TRPC3: variants seen among roughly 807,000 people sequenced by gnomAD.
The protein encoded by TRPC3 is transient receptor potential cation channel subfamily C member 3, also known as short transient receptor potential channel 3.
Under a neutral mutation model 90.9 loss-of-function variants are expected in TRPC3, and 54 were observed. That is an observed-to-expected ratio of 0.59 (90% CI 0.48 to 0.75). TRPC3 has a LOEUF of 0.75. TRPC3 is among the 30% of genes least tolerant of loss of function. The probability of loss-of-function intolerance (pLI) is 0.00; values close to 1 mark genes in which losing one functional copy is unlikely to be tolerated. For synonymous variants in TRPC3, 424 were observed against 450.9 expected, an observed-to-expected ratio of 0.94 and a Z score of 0.75; for missense variants, 918 against 1,194.5, an observed-to-expected ratio of 0.77 and a Z score of 3.41.
chr4:121,936,410 C>T (rs574813228), intron 1 of TRPC3, among the ~76,000 whole-genome samples: 1 of 152,318 alleles, frequency 6.6e-6, no homozygotes, highest in Non-Finnish European at 1.5e-5. Flanking sequence ...GGTCATTCAA[C>T]ACCGCGAGAG....
At chr4:121,912,191 C>A (rs1206532512) in intron 4 of TRPC3, 98 bp from the exon 5 acceptor site, 3 of 1,024,360 alleles carry the variant, frequency 2.9e-6, no homozygotes, top group Non-Finnish European at 4.2e-6. Flanking sequence ...GAAAGGAGAA[C>A]ACTCAAAATT....
At chr4:121,890,281 G>T (rs1315103964) in intron 10 of TRPC3, among the ~76,000 whole-genome samples, 1 of 152,072 alleles carries the variant, frequency 6.6e-6, no homozygotes, top group African/African-American at 2.4e-5. Flanking sequence ...TAACAACATT[G>T]TATTGTATGT....
chr4:121,921,521 C>CAAAAAAAAAA (rs536564094), intron 3 of TRPC3, among the ~76,000 whole-genome samples: 1 of 56,940 alleles, frequency 1.8e-5, no homozygotes, highest in Non-Finnish European at 3.4e-5. Flanking sequence ...GACTCCGTCT[C>CAAAAAAAAAA]AAAAAAAAAA....
chr4:121,888,335 T>TA (rs1051721190), intron 10 of TRPC3, among the ~76,000 whole-genome samples: 8 of 152,156 alleles, frequency 5.3e-5, no homozygotes, highest in Non-Finnish European at 1.0e-4. Flanking sequence ...GATCATTTTT[T>TA]AAAAAAATGC....
At chr4:121,936,780 G>A (rs777434427) in intron 1 of TRPC3, among the ~76,000 whole-genome samples, 7 of 152,096 alleles carry the variant, frequency 4.6e-5, no homozygotes, top group Non-Finnish European at 8.8e-5. Flanking sequence ...TCCAGAAACC[G>A]AACATGCTGG....
At chr4:121,912,344 T>C (rs773463249) in intron 4 of TRPC3, among the ~76,000 whole-genome samples, 3 of 152,208 alleles carry the variant, frequency 2.0e-5, no homozygotes, top group Non-Finnish European at 4.4e-5. Flanking sequence ...CATTCACAGA[T>C]GCACTTCTGG....
intron 3 of TRPC3, among the ~76,000 whole-genome samples, chr4:121,922,111 A>G (rs1477213304): frequency 6.6e-6 from 1 of 151,330 alleles, no homozygotes; most frequent in Admixed American, 6.6e-5. Flanking sequence ...TTTAGTAGAG[A>G]CAGGGTTTCA....
chr4:121,949,983 A>C (rs1288478864), intron 1 of TRPC3, among the ~76,000 whole-genome samples: 2 of 152,238 alleles, frequency 1.3e-5, no homozygotes, highest in East Asian at 3.8e-4. Flanking sequence ...GAATAAAAAA[A>C]CAGCTACGTT....
Position 121,951,444 on chromosome 4 carries a change from C to G in TRPC3, c.215+22G>C. The G allele has an allele frequency of 8.4e-7, 1 of 1,194,548 alleles. No individual in the cohort carries two copies. The highest frequency in any genetic ancestry group is 4.5e-5 in the Admixed American group (1 of 22,268). The allele number at this position is 1,194,548 out of a possible 1,614,324, so 74.0% of individuals were successfully genotyped here. A position where few individuals can be genotyped will look rare whatever the true frequency, so the allele number is the denominator to read the frequency against. The stretch of plus-strand genomic sequence containing the variant: ...CGGCACCGCCCTCCGAGGCGCGGGC[C>G]GCGGCCGGGCCCGGTACTCACAGGT... On this transcript the variant is annotated intron_variant, in intron 1 of 11. Transcript: ENST00000379645. The surrounding 1 kb of genome is among the most constrained non-coding windows in gnomAD (Gnocchi z 4.4).
intron 1 of TRPC3, among the ~76,000 whole-genome samples, chr4:121,942,682 G>A (rs1730361004): frequency 6.6e-6 from 1 of 152,178 alleles, no homozygotes; most frequent in South Asian, 2.1e-4. Flanking sequence ...TTTAAGGAGA[G>A]GAACCCTGGT....
chr4:121,922,058 A>G (rs1729539170), intron 3 of TRPC3, among the ~76,000 whole-genome samples: 1 of 151,622 alleles, frequency 6.6e-6, no homozygotes, highest in African/African-American at 2.4e-5. Context: ...AGCTGCAACT[A>G]CAGGTGCCTG....
chr4:121,882,437 G>T lies in TRPC3; in HGVS notation c.2548-8C>A. On this transcript the variant is annotated splice_region_variant and splice_polypyrimidine_tract_variant and intron_variant, in intron 10 of 11. Coordinates refer to ENST00000379645, the MANE Select transcript of TRPC3 (RefSeq NM_001130698.2). ...AAGTCTTTTCATTATCTGCTGTTGG[G>T]CAAAAGTAAATGATTAGATCTCCAA... The T allele has an allele frequency of 6.2e-7, 1 of 1,607,212 alleles. No individual in the cohort carries two copies. Among genetic ancestry groups the T allele is most frequent in the Non-Finnish European group, 8.5e-7 (1 of 1,177,116 alleles).
At chr4:121,945,012 G>A (rs530873557) in intron 1 of TRPC3, among the ~76,000 whole-genome samples, 1 of 152,310 alleles carries the variant, frequency 6.6e-6, no homozygotes, top group South Asian at 2.1e-4. Flanking sequence ...TAAGAGACTG[G>A]ACTAGATGAA....
At chr4:121,940,511 C>T (rs1027446884) in intron 1 of TRPC3, among the ~76,000 whole-genome samples, 2 of 152,138 alleles carry the variant, frequency 1.3e-5, no homozygotes, top group African/African-American at 4.8e-5. Context: ...CAGGATGTTC[C>T]TCTTATGTTT....
chr4:121,923,670 A>G (rs1292336928), intron 3 of TRPC3, among the ~76,000 whole-genome samples: 1 of 152,240 alleles, frequency 6.6e-6, no homozygotes, highest in African/African-American at 2.4e-5. Context: ...TCTTCACTTT[A>G]CTAGTGAGCA....
chr4:121,927,613 G>A (rs927725576), intron 2 of TRPC3, among the ~76,000 whole-genome samples: 3 of 152,014 alleles, frequency 2.0e-5, no homozygotes, highest in Non-Finnish European at 2.9e-5. Context: ...AATAATTAAC[G>A]TGATTTGATG....
At position 121,877,089 on chromosome 4, in the gene TRPC3, A is replaced by G. The variant is rs1727782491; in HGVS notation, c.*2647T>C. On this transcript the variant is annotated 3_prime_UTR_variant, in exon 12 of 12. Coordinates refer to ENST00000379645, the MANE Select transcript of TRPC3 (RefSeq NM_001130698.2). Reference sequence around the variant, plus strand: ...GGTACCTGTTAAAAGTGACTAGGGAAAAGACTTGCTGACCCAGAGCTATCT... The same window carrying G: ...GGTACCTGTTAAAAGTGACTAGGGAGAAGACTTGCTGACCCAGAGCTATCT... 1.3e-5 allele frequency among the ~76,000 whole-genome samples: 2 copies of G among 152,206 alleles called. No individual in the cohort carries two copies. The highest frequency in any genetic ancestry group is 2.9e-5 in the Non-Finnish European group (2 of 68,032).
chr4:121,936,384 A>C (rs1007819535), intron 1 of TRPC3, among the ~76,000 whole-genome samples: 1 of 152,222 alleles, frequency 6.6e-6, no homozygotes, highest in Non-Finnish European at 1.5e-5. Flanking sequence ...TCCTACCCTC[A>C]GATCTTCATC....
chr4:121,886,374 G>GA (rs373693915), intron 10 of TRPC3, among the ~76,000 whole-genome samples: 2 of 151,718 alleles, frequency 1.3e-5, no homozygotes, highest in Non-Finnish European at 2.9e-5. Flanking sequence ...TAGACAAATA[G>GA]AAAAAAAACT....
Sources: gnomAD v4.1 joint callset for allele counts (sites outside exome capture counted in the v4.1 genomes callset) on GRCh38, gnomAD v4.1.1 for gene constraint, Gnocchi (gnomAD v3.1) non-coding constraint, MANE v1.5 for transcripts, NCBI Gene and HGNC (gene_info 2026-07-23, HGNC 2026-07-21) for gene names.